The following CCDC91 variants were observed in gnomAD, a reference collection of about 807,000 sequenced individuals.
The protein encoded by CCDC91 is coiled-coil domain-containing protein 91.
Under a neutral mutation model 63.2 loss-of-function variants are expected in CCDC91, and 48 were observed. The ratio of observed to expected loss-of-function variants is 0.76; its 90% CI spans 0.60 to 0.97. CCDC91 has a LOEUF of 0.97. Ranked by LOEUF, CCDC91 falls within the 50% of genes least tolerant of loss-of-function variation. The pLI is 0.00. For missense variants in CCDC91, 500 were observed against 494.6 expected, an observed-to-expected ratio of 1.01 and a Z score of -0.10; for synonymous variants, 167 against 165.8, an observed-to-expected ratio of 1.01 and a Z score of -0.06.
intron 6 of CCDC91, among the ~76,000 whole-genome samples, chr12:28,309,744 T>C (rs1393523794): frequency 6.6e-6 from 1 of 152,100 alleles, no homozygotes; most frequent in African/African-American, 2.4e-5. Context: ...TCAGATTAAC[T>C]TTTTGAAAAT....
chr12:28,257,399 TAAAA>T (rs547777639), intron 2 of CCDC91, among the ~76,000 whole-genome samples, 154 bp downstream of exon 2: 182 of 151,040 alleles, frequency 1.2e-3, no homozygotes, highest in Middle Eastern at 6.8e-3. Context: ...TCAAGAAAAA[TAAAA>T]AAAAACCCTC....
intron 6 of CCDC91, among the ~76,000 whole-genome samples, chr12:28,349,423 C>T (rs1943035921): frequency 6.6e-6 from 1 of 152,126 alleles, no homozygotes; most frequent in African/African-American, 2.4e-5. Context: ...CAGCCCTCTC[C>T]CACTGTCAGT....
At chr12:28,267,825 T>TATATAGC in intron 3 of CCDC91, among the ~76,000 whole-genome samples, 1 of 28,500 alleles carries the variant, frequency 3.5e-5, no homozygotes, top group East Asian at 1.1e-3. Context: ...ATTATATTAT[T>TATATAGC]AATATATAAT....
chr12:28,237,308 A>G (rs992075364), intron 1 of CCDC91, among the ~76,000 whole-genome samples: 9 of 151,744 alleles, frequency 5.9e-5, no homozygotes, highest in African/African-American at 2.2e-4. Context: ...ATGTCCTTCA[A>G]AGATATTAGG....
At chr12:28,537,784 A>G (rs1942293417) in intron 12 of CCDC91, among the ~76,000 whole-genome samples, 2 of 152,214 alleles carry the variant, frequency 1.3e-5, no homozygotes, top group Admixed American at 6.5e-5. Context: ...CAAAAATCCA[A>G]GGAACAAAAG....
intron 12 of CCDC91, among the ~76,000 whole-genome samples, chr12:28,490,954 T>TA (rs1951969140): frequency 6.6e-6 from 1 of 151,802 alleles, no homozygotes; most frequent in Non-Finnish European, 1.5e-5. Context: ...GAGATGATGT[T>TA]AAAGATAAAG....
chr12:28,248,082 G>A (rs995305687), intron 1 of CCDC91, among the ~76,000 whole-genome samples: 1 of 152,124 alleles, frequency 6.6e-6, no homozygotes, highest in Non-Finnish European at 1.5e-5. Context: ...CCCTGCTCTC[G>A]GAGATAGGAT....
intron 3 of CCDC91, among the ~76,000 whole-genome samples, chr12:28,273,043 T>G (rs1947895350): frequency 7.6e-6 from 1 of 131,974 alleles, no homozygotes; most frequent in Non-Finnish European, 1.6e-5. Flanking sequence ...CCTGTGCCCA[T>G]GTGTTCTCAT....
At chr12:28,479,475 G>A (rs1185411316) in intron 11 of CCDC91, among the ~76,000 whole-genome samples, 1 of 151,996 alleles carries the variant, frequency 6.6e-6, no homozygotes, top group African/African-American at 2.4e-5. Context: ...GGGGTAGGGG[G>A]AAGGGGGAAG....
intron 8 of CCDC91, among the ~76,000 whole-genome samples, chr12:28,435,313 T>C (rs1948846671): frequency 6.6e-6 from 1 of 151,758 alleles, no homozygotes; most frequent in South Asian, 2.1e-4. Flanking sequence ...GTTTTTTTTT[T>C]CTTTTAGTTC....
chr12:28,473,003 TCAAA>T (rs1264540550), intron 11 of CCDC91, among the ~76,000 whole-genome samples: 1 of 152,196 alleles, frequency 6.6e-6, no homozygotes, highest in Admixed American at 6.5e-5. Flanking sequence ...ACTTTGTGAT[TCAAA>T]CAATGTTGAT....
At chr12:28,304,464 G>A (rs1333597758) in intron 3 of CCDC91, among the ~76,000 whole-genome samples, 1 of 142,910 alleles carries the variant, frequency 7.0e-6, no homozygotes, top group Non-Finnish European at 1.5e-5. Context: ...TAATTATATA[G>A]TATGGCACAT....
chr12:28,191,865 G>T lies in CCDC91; in HGVS notation c.-15+1224G>T, dbSNP rs74651018. ...TGTTGGCTAACCAGTAAACTGTGTGGTAGAGAATTGCCCTGGTTACGAAGT... is the reference window on the plus strand; with the variant it reads ...TGTTGGCTAACCAGTAAACTGTGTGTTAGAGAATTGCCCTGGTTACGAAGT... On this transcript the variant is annotated intron_variant, in intron 1 of 12. Transcript: ENST00000536442. Among the ~76,000 whole-genome samples the T allele has an allele frequency of 1.0e-3, 152 of 152,314 alleles. 4 individuals are homozygous for T. The East Asian group carries it at 0.017, about 17-fold the overall frequency.
Position 28,305,785 on chromosome 12 carries a change from T to C in CCDC91, c.246T>C (p.Ser82=). 2 of 1,612,590 alleles carry C rather than the reference T, an allele frequency of 1.2e-6. No homozygotes were observed. The highest frequency in any genetic ancestry group is 1.7e-6 in the Non-Finnish European group (2 of 1,179,090). Residue 82 remains serine, a synonymous_variant, in exon 4 of 13, where the codon AGT becomes AGC. Transcript: ENST00000536442. ...ENTHAANSIV[S]QTIPKAQIQQ... The stretch of plus-strand genomic sequence containing the variant: ...CACATGCAGCAAATAGCATTGTGAG[T>C]CAAACTATTCCAAAAGCACAGGTAA...
intron 8 of CCDC91, among the ~76,000 whole-genome samples, chr12:28,411,047 G>C (rs1211867443): frequency 3.3e-5 from 5 of 152,020 alleles, no homozygotes; most frequent in Admixed American, 3.3e-4. Flanking sequence ...TTTAGAGGGA[G>C]GTTAAATAAT....
intron 12 of CCDC91, among the ~76,000 whole-genome samples, chr12:28,542,010 T>C (rs1942664092): frequency 6.6e-6 from 1 of 152,106 alleles, no homozygotes; most frequent in Admixed American, 6.6e-5. Context: ...GGCTTTTGTT[T>C]TTTAAGTTGT....
intron 12 of CCDC91, among the ~76,000 whole-genome samples, chr12:28,525,898 T>C (rs1941214615): frequency 6.6e-6 from 1 of 152,150 alleles, no homozygotes. Flanking sequence ...TTTTATGTGA[T>C]ATAGGAATAG....
chr12:28,230,136 C>T (rs572756584), intron 1 of CCDC91, among the ~76,000 whole-genome samples: 1 of 152,116 alleles, frequency 6.6e-6, no homozygotes, highest in South Asian at 2.1e-4. Context: ...CCTTTCCATT[C>T]CCTTAATGTC....
chr12:28,538,980 T>G (rs1037875805), intron 12 of CCDC91, among the ~76,000 whole-genome samples: 7 of 152,168 alleles, frequency 4.6e-5, no homozygotes, highest in African/African-American at 1.7e-4. Context: ...TAAATTTGTT[T>G]GAGTTCTTTG....
Sources: gnomAD v4.1 joint callset for allele counts (sites outside exome capture counted in the v4.1 genomes callset) on GRCh38, gnomAD v4.1.1 for gene constraint, MANE v1.5 for transcripts, NCBI Gene and HGNC (gene_info 2026-07-23, HGNC 2026-07-21) for gene names.